TFAP2D: variants seen among roughly 807,000 people sequenced by gnomAD.
TFAP2D encodes the protein transcription factor AP-2 delta, also known as transcription factor AP-2-delta.
In TFAP2D, 9 loss-of-function variants were observed where a neutral mutation model predicts 43.6. The ratio of observed to expected loss-of-function variants is 0.21; its 90% CI spans 0.12 to 0.36. TFAP2D has a LOEUF of 0.36. TFAP2D is among the 10% of genes least tolerant of loss of function. The pLI, the probability that TFAP2D is intolerant of heterozygous loss-of-function variation, is 1.00. For missense variants in TFAP2D, 513 were observed against 561.4 expected (o/e 0.91, Z 0.87); for synonymous variants, 256 against 224.9 (o/e 1.14, Z -1.24).
chr6:50,714,397 A>G (rs1203831355), intron 1 of TFAP2D, among the ~76,000 whole-genome samples: 1 of 152,116 alleles, frequency 6.6e-6, no homozygotes, highest in Admixed American at 6.6e-5. Flanking sequence ...AGAGACGGAA[A>G]GAAAGATTCT....
intron 6 of TFAP2D, among the ~76,000 whole-genome samples, chr6:50,749,911 A>T (rs1478421464): frequency 6.6e-6 from 1 of 151,876 alleles, no homozygotes; most frequent in Admixed American, 6.6e-5. Context: ...TGTTTTTCCT[A>T]TCTCTGACTC....
chr6:50,753,964 CT>C (rs1386996081), intron 7 of TFAP2D, among the ~76,000 whole-genome samples: 2 of 151,896 alleles, frequency 1.3e-5, no homozygotes, highest in Non-Finnish European at 2.9e-5. Context: ...CCTACTATAT[CT>C]TTTTCTTAAA....
chr6:50,751,206 T>C lies in TFAP2D; in HGVS notation c.1026-5T>C. On this transcript the variant is annotated splice_polypyrimidine_tract_variant and splice_region_variant and intron_variant, in intron 6 of 7. Transcript: ENST00000008391. Reference sequence around the variant, plus strand: ...TCAATTTTAAATTTGATTCTTTTATTTTAGACAAATCTGTAAAGAATTCCA... The same window carrying C: ...TCAATTTTAAATTTGATTCTTTTATCTTAGACAAATCTGTAAAGAATTCCA... 6.3e-7 allele frequency: 1 copy of C among 1,590,336 alleles called. No homozygotes were observed.
At chr6:50,717,129 G>A (rs1329708643) in intron 2 of TFAP2D, among the ~76,000 whole-genome samples, 2 of 152,126 alleles carry the variant, frequency 1.3e-5, no homozygotes, top group Non-Finnish European at 2.9e-5. Context: ...TTTAATAGCC[G>A]CGTCTGCTGC....
At chr6:50,715,054 T>G (rs1291066312) in intron 1 of TFAP2D, 62 bp from the exon 2 acceptor site, 1 of 1,565,120 alleles carries the variant, frequency 6.4e-7, no homozygotes, top group African/African-American at 1.4e-5. Flanking sequence ...GAGCGGCGCC[T>G]TGGTTGCAAA....
chr6:50,730,057 C>T lies in TFAP2D; in HGVS notation c.883+745C>T, dbSNP rs192330876. 7.6e-4 allele frequency among the ~76,000 whole-genome samples: 115 copies of T among 151,832 alleles called. 1 individual carries two copies. The highest frequency in any genetic ancestry group is 6.8e-3 in the East Asian group (35 of 5,154). ...GAATGTCAAAGGAAAGTTTTTTCAT[C>T]ATGTGGAATGCTATTGTTTAAAATA... On this transcript the variant is annotated intron_variant, in intron 5 of 7. Coordinates refer to ENST00000008391, the MANE Select transcript of TFAP2D (RefSeq NM_172238.4).
intron 5 of TFAP2D, among the ~76,000 whole-genome samples, chr6:50,742,642 T>C (rs1769066661): frequency 6.6e-6 from 1 of 151,602 alleles, no homozygotes; most frequent in African/African-American, 2.4e-5. Flanking sequence ...GATAGATAGA[T>C]AGACTCTGTT....
chr6:50,744,993 G>A (rs927919266), intron 5 of TFAP2D, 114 bp from the exon 6 acceptor site: 1 of 1,341,872 alleles, frequency 7.5e-7, no homozygotes, highest in African/African-American at 1.5e-5. Context: ...AGTTTAAGTA[G>A]GAAAAATGAT....
Position 50,729,233 on chromosome 6 carries a change from A to G in TFAP2D, c.804A>G (p.Lys268=). ...ATGGGGGCCGCTGCCTGAGAGAGAAATTGGATAGGCTTGGCTTAAACTTAC... is the reference window on the plus strand; with the variant it reads ...ATGGGGGCCGCTGCCTGAGAGAGAAGTTGGATAGGCTTGGCTTAAACTTAC... ...SKNGGRCLRE[K]LDRLGLNLPA... The change falls in exon 5 of 8, where the codon AAA becomes AAG. Residue 268 remains lysine, a synonymous_variant. Coordinates refer to ENST00000008391, the MANE Select transcript of TFAP2D (RefSeq NM_172238.4). 2 of 1,614,006 alleles carry G rather than the reference A, an allele frequency of 1.2e-6. No individual in the cohort carries two copies. Among genetic ancestry groups the G allele is most frequent in the Non-Finnish European group, 1.7e-6 (2 of 1,179,880 alleles).
intron 7 of TFAP2D, among the ~76,000 whole-genome samples, chr6:50,753,002 T>C (rs1769218536): frequency 6.6e-6 from 1 of 151,890 alleles, no homozygotes; most frequent in African/African-American, 2.4e-5. Context: ...ATTTAGTAAA[T>C]GACGTATCAT....
At chr6:50,730,321 T>G (rs1255562487) in intron 5 of TFAP2D, among the ~76,000 whole-genome samples, 2 of 152,180 alleles carry the variant, frequency 1.3e-5, no homozygotes, top group Admixed American at 6.6e-5. Context: ...CAGCCATCTT[T>G]GCTGTGTTCC....
chr6:50,759,042 G>A (rs1303292954), intron 7 of TFAP2D, among the ~76,000 whole-genome samples: 2 of 151,994 alleles, frequency 1.3e-5, no homozygotes, highest in African/African-American at 2.4e-5. Context: ...TAGCACATAA[G>A]AGACTAGTGG....
intron 5 of TFAP2D, among the ~76,000 whole-genome samples, chr6:50,736,872 A>C (rs768931567): frequency 1.3e-5 from 2 of 152,184 alleles, no homozygotes; most frequent in Admixed American, 6.5e-5. Flanking sequence ...TGCTCACTAA[A>C]AATAACGTTT....
chr6:50,771,083 C>T (rs1438018359), intron 7 of TFAP2D, among the ~76,000 whole-genome samples: 2 of 152,152 alleles, frequency 1.3e-5, no homozygotes, highest in Admixed American at 1.3e-4. Context: ...TGACATTTGT[C>T]GTGGTTGGAA....
intron 3 of TFAP2D, among the ~76,000 whole-genome samples, chr6:50,719,447 GAGAAAGAAAGAAAGAAAGAAAGAAAGAA>G (rs531796279): frequency 2.4e-4 from 31 of 131,690 alleles, no homozygotes; most frequent in African/African-American, 8.6e-4. Context: ...AAAAGACAGA[GAGAAAGAAAGAAAGAAAGAAAGAAAGAA>G]AGAAAGAAAG....
intron 7 of TFAP2D, among the ~76,000 whole-genome samples, chr6:50,758,591 C>T (rs1476649443): frequency 1.3e-5 from 2 of 152,006 alleles, no homozygotes; most frequent in East Asian, 1.9e-4. Flanking sequence ...TTTCTGATTG[C>T]TCTATTCTTG....
intron 5 of TFAP2D, among the ~76,000 whole-genome samples, chr6:50,729,661 C>A (rs1033607959): frequency 6.6e-6 from 1 of 152,098 alleles, no homozygotes; most frequent in Non-Finnish European, 1.5e-5. Context: ...TCTAACTTAA[C>A]CCATTGTAAT....
chr6:50,715,963 G>A (rs62405409), intron 2 of TFAP2D, among the ~76,000 whole-genome samples: 61 of 152,224 alleles, frequency 4.0e-4, no homozygotes, highest in Non-Finnish European at 7.4e-4. Context: ...ATGAGGTGGA[G>A]GAGATCGAGG....
At chr6:50,757,356 A>C (rs1414434882) in intron 7 of TFAP2D, among the ~76,000 whole-genome samples, 1 of 137,590 alleles carries the variant, frequency 7.3e-6, no homozygotes, top group Non-Finnish European at 1.5e-5. Context: ...AATATATGTA[A>C]TTATTCTATA....
Sources: allele counts gnomAD v4.1 joint callset (sites outside exome capture counted in the v4.1 genomes callset), GRCh38; gene constraint gnomAD v4.1.1; transcripts MANE v1.5; gene names NCBI Gene and HGNC (gene_info 2026-07-23, HGNC 2026-07-21).